HECW1: variants seen among roughly 807,000 people sequenced by gnomAD.
The protein encoded by HECW1 is HECT, C2 and WW domain containing E3 ubiquitin protein ligase 1, also known as E3 ubiquitin-protein ligase HECW1.
In HECW1, 61 loss-of-function variants were observed where a neutral mutation model predicts 182.3. That is an observed-to-expected ratio of 0.33 (90% CI 0.27 to 0.41). The LOEUF (loss-of-function observed/expected upper bound fraction) is 0.41, where lower values mean the gene tolerates loss of function less well. HECW1 is among the 10% of genes least tolerant of loss of function. The pLI is 1.00. For missense variants in HECW1, 1,739 were observed against 2,108.9 expected (o/e 0.82, Z 3.44); for synonymous variants, 859 against 832.6 (o/e 1.03, Z -0.55).
intron 2 of HECW1, among the ~76,000 whole-genome samples, chr7:43,153,717 C>A (rs1268326221): frequency 6.6e-6 from 1 of 151,938 alleles, no homozygotes; most frequent in African/African-American, 2.4e-5. Context: ...TGAGGTCTGA[C>A]CGAGGAAAAT....
chr7:43,331,195 C>T (rs1343328335), intron 5 of HECW1, among the ~76,000 whole-genome samples: 1 of 148,402 alleles, frequency 6.7e-6, no homozygotes, highest in African/African-American at 2.5e-5. Context: ...TCCAAGTGTT[C>T]CCATTGTTCA....
Position 43,179,378 on chromosome 7 carries a change from A to G in HECW1, c.-31-64497A>G, listed in dbSNP as rs181700060. Among the ~76,000 whole-genome samples the G allele has an allele frequency of 5.3e-5, 8 of 152,292 alleles. No homozygotes were observed. The East Asian group carries it at 1.3e-3, about 26-fold the overall frequency. Reference sequence around the variant, plus strand: ...AGTTCCAAGTGTGGTAAAAATGGCAACCTTTGCTTGAATTATGCCATGCTT... The same window carrying G: ...AGTTCCAAGTGTGGTAAAAATGGCAGCCTTTGCTTGAATTATGCCATGCTT... On this transcript the variant is annotated intron_variant, in intron 2 of 29. Coordinates refer to ENST00000395891, the MANE Select transcript of HECW1 (RefSeq NM_015052.5).
chr7:43,410,564 C>T lies in HECW1; in HGVS notation c.801+2833C>T, dbSNP rs1243673449. 2.6e-5 allele frequency among the ~76,000 whole-genome samples: 4 copies of T among 152,106 alleles called. No homozygotes were observed. In the South Asian group the frequency reaches 8.3e-4, roughly 32 times the overall value. ...GTTTCAGTCCACAACAGGAAGTTTT[C>T]CTCCTCATATTTTCTGGAAATGTCT... On this transcript the variant is annotated intron_variant, in intron 8 of 29. Coordinates refer to ENST00000395891, the MANE Select transcript of HECW1 (RefSeq NM_015052.5).
intron 16 of HECW1, among the ~76,000 whole-genome samples, chr7:43,475,945 A>G (rs1374936389): frequency 6.6e-6 from 1 of 152,228 alleles, no homozygotes; most frequent in Non-Finnish European, 1.5e-5. Context: ...AACAGTGGAC[A>G]TCTTATTGTA....
intron 3 of HECW1, among the ~76,000 whole-genome samples, chr7:43,260,811 G>A (rs1219062033): frequency 1.3e-5 from 2 of 152,230 alleles, no homozygotes; most frequent in Non-Finnish European, 2.9e-5. Context: ...ATCTAGTTGG[G>A]TGGATGAAGG....
At chr7:43,260,736 C>T (rs1801087147) in intron 3 of HECW1, among the ~76,000 whole-genome samples, 1 of 151,972 alleles carries the variant, frequency 6.6e-6, no homozygotes, top group South Asian at 2.1e-4. Flanking sequence ...AGTCATAGGA[C>T]TTAGTCATTG....
intron 3 of HECW1, among the ~76,000 whole-genome samples, chr7:43,284,454 C>T (rs1172176338): frequency 1.4e-5 from 2 of 147,146 alleles, no homozygotes; most frequent in Non-Finnish European, 3.0e-5. Flanking sequence ...ATGGCTTGAG[C>T]CCAGGAGTTT....
At chr7:43,245,332 AG>A (rs1453573205) in intron 3 of HECW1, 1 of 152,192 alleles carries the variant, frequency 6.6e-6, no homozygotes, top group African/African-American at 2.4e-5. Flanking sequence ...AAGTTTCCAT[AG>A]CACTCAGTCT....
chr7:43,229,338 C>T (rs1220086562), intron 2 of HECW1, among the ~76,000 whole-genome samples: 1 of 152,044 alleles, frequency 6.6e-6, no homozygotes, highest in Non-Finnish European at 1.5e-5. Context: ...AAAAAGAGAC[C>T]TCTGCCATTA....
chr7:43,379,473 T>G (rs1175712678), intron 6 of HECW1, among the ~76,000 whole-genome samples: 1 of 152,190 alleles, frequency 6.6e-6, no homozygotes, highest in Non-Finnish European at 1.5e-5. Flanking sequence ...TTCTCCTGCA[T>G]AGTCCACTGT....
chr7:43,114,969 T>C, intron 2 of HECW1, among the ~76,000 whole-genome samples: 1 of 152,234 alleles, frequency 6.6e-6, no homozygotes. Context: ...CCTTCTATTA[T>C]GCTTCCATCT....
intron 17 of HECW1, among the ~76,000 whole-genome samples, chr7:43,485,575 C>T (rs181047759): frequency 1.9e-3 from 289 of 152,220 alleles, no homozygotes; most frequent in Middle Eastern, 0.01. Context: ...GGCTATGGCT[C>T]CCAGGCTGCA....
Position 43,465,983 on chromosome 7 carries a change from G to GGGAA in HECW1, c.2792-449_2792-446dup, listed in dbSNP as rs1012018515. Among the ~76,000 whole-genome samples the GGGAA allele has an allele frequency of 4.5e-3, 593 of 132,394 alleles. 3 individuals carry two copies. The highest frequency in any genetic ancestry group is 0.016 in the African/African-American group (555 of 35,160). 86.9% of individuals were successfully genotyped at this position (132,394 alleles called of 152,430 possible). On this transcript the variant is annotated intron_variant, in intron 14 of 29. Transcript: ENST00000395891. ...AAAGAAAGAAGAAAGAAGGGAGGGA[G>GGGAA]GGAAGGAAGGAAGGAAGGGGGGAGG...
intron 24 of HECW1, 145 bp from the exon 25 acceptor site, chr7:43,541,018 C>T: frequency 1.5e-6 from 1 of 673,120 alleles, no homozygotes; most frequent in East Asian, 2.7e-5. Flanking sequence ...AGGACAAGAA[C>T]AGGTGCCTCC....
intron 6 of HECW1, among the ~76,000 whole-genome samples, chr7:43,391,336 C>G (rs186658278): frequency 1.3e-5 from 2 of 152,200 alleles, no homozygotes; most frequent in Non-Finnish European, 2.9e-5. Flanking sequence ...CTCTCTTCCT[C>G]CCCAGTTCAT....
At position 43,468,961 on chromosome 7, in the gene HECW1, C is replaced by T. The variant is rs770504958; in HGVS notation, c.2955C>T (p.His985=). Residue 985 remains histidine (H), a synonymous_variant, in exon 16 of 30, where the codon CAC becomes CAT. Transcript: ENST00000395891. ...TCACCAGTAGCACCTGCTTAAAGCACATGATTCTGAAAGTCCGACGGGATG... is the reference window on the plus strand; with the variant it reads ...TCACCAGTAGCACCTGCTTAAAGCATATGATTCTGAAAGTCCGACGGGATG... ...RVFTSSTCLK[H]MILKVRRDAR... The T allele has an allele frequency of 2.2e-4, 351 of 1,614,120 alleles. 3 individuals carry two copies. The South Asian group carries it at 2.5e-3, about 11-fold the overall frequency.
chr7:43,176,251 G>T (rs537492682), intron 2 of HECW1, among the ~76,000 whole-genome samples: 109 of 152,214 alleles, frequency 7.2e-4, no homozygotes, highest in African/African-American at 2.4e-3. Context: ...GTCTCCTTTT[G>T]CTCTGCCATA....
chr7:43,300,113 G>A (rs1312327010), intron 3 of HECW1, among the ~76,000 whole-genome samples: 2 of 152,230 alleles, frequency 1.3e-5, no homozygotes, highest in African/African-American at 2.4e-5. Context: ...GGAGGTGCTG[G>A]TGGGTTAATT....
At chr7:43,309,266 G>A (rs1000467180) in intron 3 of HECW1, among the ~76,000 whole-genome samples, 43 of 152,286 alleles carry the variant, frequency 2.8e-4, no homozygotes, top group South Asian at 6.2e-4. Context: ...CTGCAAGTAG[G>A]AATGGGGAGG....
Sources: allele counts gnomAD v4.1 joint callset (sites outside exome capture counted in the v4.1 genomes callset), GRCh38; gene constraint gnomAD v4.1.1; transcripts MANE v1.5; gene names NCBI Gene and HGNC (gene_info 2026-07-23, HGNC 2026-07-21).